Variants in P3H2 observed in about 807,000 individuals in gnomAD.
P3H2 encodes leprecan-like 1.
P3H2 carries 80 observed loss-of-function variants against 87.0 expected under a neutral mutation model. That is an observed-to-expected ratio of 0.92 (90% CI 0.77 to 1.11). P3H2 has a LOEUF of 1.11. Among genes scored for constraint, P3H2 ranks in the 50% least tolerant of loss-of-function variants. The pLI is 0.00. For missense variants in P3H2, 1,001 were observed against 923.9 expected (o/e 1.08, Z -1.08); for synonymous variants, 367 against 359.3 (o/e 1.02, Z -0.24).
Position 189,971,906 on chromosome 3 carries a change from T to G in P3H2, c.1801A>C (p.Thr601Pro). The G allele has an allele frequency of 6.2e-7, 1 of 1,604,688 alleles. No homozygotes were observed. The highest frequency in any genetic ancestry group is 8.5e-7 in the Non-Finnish European group (1 of 1,171,370). Residue 601 changes from threonine (T) to proline (P), a missense_variant, in exon 12 of 15, where the codon ACA becomes CCA. Transcript: ENST00000319332. ...TAGCTATACCTATAGTCTCGAAATG[T>G]GTAAGCAGGAGGCTCCTTCCAGCAT... Reference protein sequence around the residue: ...NECWKEPPAYTFRDYSALLYM... With the variant: ...NECWKEPPAYPFRDYSALLYM...
At chr3:189,966,115 AAG>A (rs1322924119) in intron 13 of P3H2, among the ~76,000 whole-genome samples, 16 of 109,412 alleles carry the variant, frequency 1.5e-4, no homozygotes, top group African/African-American at 5.9e-4. Flanking sequence ...AAAAGAAAGA[AAG>A]AAAGAAAAAG....
chr3:190,121,614 C>G (rs1019276847), upstream of P3H2: 8 of 152,192 alleles, frequency 5.3e-5, no homozygotes, highest in African/African-American at 1.9e-4. Context: ...CAATATATAG[C>G]CTGCCTTTCC....
intron 13 of P3H2, among the ~76,000 whole-genome samples, chr3:189,967,864 T>C (rs1216883412): frequency 6.6e-6 from 1 of 152,214 alleles, no homozygotes; most frequent in Non-Finnish European, 1.5e-5. Flanking sequence ...CTTTTTGATA[T>C]TACCTGCTTA....
At chr3:190,002,548 G>A (rs945837031) in intron 1 of P3H2, among the ~76,000 whole-genome samples, 12 of 151,852 alleles carry the variant, frequency 7.9e-5, no homozygotes, top group Admixed American at 1.3e-4. Flanking sequence ...TTACAGGCAC[G>A]CGCCAACACA....
At position 190,100,945 on chromosome 3, in the gene P3H2, G is replaced by A. The variant is rs559280930; in HGVS notation, c.480+19307C>T. Among the ~76,000 whole-genome samples the A allele has an allele frequency of 3.9e-5, 6 of 152,084 alleles. No individual in the cohort carries two copies. The South Asian group carries it at 6.2e-4, about 16-fold the overall frequency. On this transcript the variant is annotated intron_variant, in intron 1 of 14. Transcript: ENST00000319332. ...GCATGTGCTCACCCCATGTCTCAACGTTACATTTTGGTAATTCTCACAATA... is the reference window on the plus strand; with the variant it reads ...GCATGTGCTCACCCCATGTCTCAACATTACATTTTGGTAATTCTCACAATA...
At chr3:190,034,233 CATA>C (rs1725344555) in intron 1 of P3H2, among the ~76,000 whole-genome samples, 1 of 32,044 alleles carries the variant, frequency 3.1e-5, no homozygotes, top group South Asian at 2.2e-3. Flanking sequence ...AATTGTTCCT[CATA>C]AACTCTGTCA....
intron 14 of P3H2, among the ~76,000 whole-genome samples, chr3:189,962,502 C>G (rs574123904): frequency 3.3e-5 from 5 of 152,154 alleles, no homozygotes; most frequent in African/African-American, 1.2e-4. Context: ...GCCTGGCTAT[C>G]GTCTTTGCTT....
At chr3:190,113,573 G>T (rs865953761) in intron 1 of P3H2, among the ~76,000 whole-genome samples, 1 of 152,166 alleles carries the variant, frequency 6.6e-6, no homozygotes, top group Admixed American at 6.5e-5. Context: ...ATCAAATCCA[G>T]CAAGTCTTCA....
intron 8 of P3H2, among the ~76,000 whole-genome samples, chr3:189,978,212 T>C (rs1342861557): frequency 1.3e-5 from 2 of 152,198 alleles, no homozygotes; most frequent in Non-Finnish European, 2.9e-5. Flanking sequence ...CTTTGCCAAG[T>C]TTTTCTCTTT....
chr3:189,973,902 A>G lies in P3H2; in HGVS notation c.1548+7T>C. On this transcript the variant is annotated splice_region_variant and intron_variant, in intron 10 of 14. Transcript: ENST00000319332. ...GAACTCAAACCCAAAAGAAGTTAAG[A>G]CTTTACTTTGAGTGCTTTCAGGACA... 12 of 1,605,538 alleles carry G rather than the reference A, an allele frequency of 7.5e-6. No homozygotes were observed. The highest frequency in any genetic ancestry group is 1.0e-5 in the Non-Finnish European group (12 of 1,172,270).
intron 1 of P3H2, among the ~76,000 whole-genome samples, chr3:190,087,288 G>A (rs912049518): frequency 6.6e-6 from 1 of 152,080 alleles, no homozygotes; most frequent in Non-Finnish European, 1.5e-5. Context: ...TGTAATCCCA[G>A]CACTTTGGGA....
At chr3:190,064,155 C>CT (rs78204073) in intron 1 of P3H2, among the ~76,000 whole-genome samples, 26,135 of 142,604 alleles carry the variant, frequency 0.18, 2,830 homozygotes, top group Middle Eastern at 0.33. Flanking sequence ...CCACACCTAA[C>CT]TTTTTTTTTT....
intron 1 of P3H2, among the ~76,000 whole-genome samples, chr3:190,025,118 G>A (rs1448965167): frequency 6.6e-6 from 1 of 152,024 alleles, no homozygotes; most frequent in Non-Finnish European, 1.5e-5. Flanking sequence ...ACGAAATGGG[G>A]GCTTCCTGCT....
At chr3:190,072,085 T>G (rs1048566784) in intron 1 of P3H2, among the ~76,000 whole-genome samples, 9 of 151,406 alleles carry the variant, frequency 5.9e-5, no homozygotes, top group African/African-American at 2.2e-4. Flanking sequence ...AGGTTCTCCT[T>G]TCTCAGCTTT....
At chr3:190,034,684 G>A (rs554854832) in intron 1 of P3H2, among the ~76,000 whole-genome samples, 10 of 152,188 alleles carry the variant, frequency 6.6e-5, no homozygotes, top group African/African-American at 2.2e-4. Flanking sequence ...TGACGTAACT[G>A]CTCTGTATCT....
At chr3:189,974,046 T>C in intron 9 of P3H2, 42 bp from the exon 10 acceptor site, 2 of 1,502,892 alleles carry the variant, frequency 1.3e-6, no homozygotes, top group South Asian at 1.1e-5. Flanking sequence ...ATGATAACTA[T>C]GAATTCATCA....
chr3:190,079,746 T>C (rs1726986717), intron 1 of P3H2, among the ~76,000 whole-genome samples: 1 of 152,202 alleles, frequency 6.6e-6, no homozygotes, highest in South Asian at 2.1e-4. Flanking sequence ...AATTCACTGA[T>C]TTCAAGCTGT....
At chr3:190,013,027 G>A (rs529690467) in intron 1 of P3H2, among the ~76,000 whole-genome samples, 3 of 152,172 alleles carry the variant, frequency 2.0e-5, no homozygotes, top group African/African-American at 2.4e-5. Context: ...AGGACTGTAA[G>A]AAAAGCTGTT....
At chr3:190,063,130 T>G (rs1009049785) in intron 1 of P3H2, among the ~76,000 whole-genome samples, 1 of 152,178 alleles carries the variant, frequency 6.6e-6, no homozygotes, top group African/African-American at 2.4e-5. Flanking sequence ...ATTTAGGAGT[T>G]CTACTTTTTA....
Sources: gnomAD v4.1 joint callset for allele counts (sites outside exome capture counted in the v4.1 genomes callset) on GRCh38, gnomAD v4.1.1 for gene constraint, MANE v1.5 for transcripts, NCBI Gene and HGNC (gene_info 2026-07-23, HGNC 2026-07-21) for gene names.